Variants in CCSER1 observed in about 807,000 individuals in gnomAD.
The protein encoded by CCSER1 is serine-rich coiled-coil domain-containing protein 1.
Under a neutral mutation model 82.0 loss-of-function variants are expected in CCSER1, and 41 were observed. The ratio of observed to expected loss-of-function variants is 0.50; its 90% CI spans 0.39 to 0.65. The LOEUF (loss-of-function observed/expected upper bound fraction) is 0.65. CCSER1 is among the 30% of genes least tolerant of loss of function. The pLI is 0.00. For synonymous variants in CCSER1, 414 were observed against 383.9 expected, an observed-to-expected ratio of 1.08 and a Z score of -0.92; for missense variants, 1,119 against 1,064.2, an observed-to-expected ratio of 1.05 and a Z score of -0.72.
chr4:90,525,708 C>T (rs1420343639), intron 5 of CCSER1, among the ~76,000 whole-genome samples: 1 of 152,132 alleles, frequency 6.6e-6, no homozygotes, highest in Non-Finnish European at 1.5e-5. Flanking sequence ...GTGGCAGCAT[C>T]ACTGCTCACA....
intron 9 of CCSER1, among the ~76,000 whole-genome samples, chr4:90,988,743 A>T (rs534676133): frequency 6.6e-6 from 1 of 151,926 alleles, no homozygotes; most frequent in Admixed American, 6.6e-5. Context: ...ACATATTTGT[A>T]TTTGTTACTG....
At chr4:91,033,889 C>A (rs947282617) in intron 9 of CCSER1, among the ~76,000 whole-genome samples, 3 of 152,180 alleles carry the variant, frequency 2.0e-5, no homozygotes, top group African/African-American at 7.2e-5. Flanking sequence ...CCAATTCAAG[C>A]TGCACAGAGA....
chr4:90,943,667 ATCC>A (rs1461426442), intron 9 of CCSER1, among the ~76,000 whole-genome samples: 5 of 150,446 alleles, frequency 3.3e-5, no homozygotes, highest in Non-Finnish European at 7.4e-5. Context: ...GGCTCAAGCA[ATCC>A]TCCTGCCTCA....
intron 10 of CCSER1, chr4:91,319,620 TGACATATTAAAA>T (rs1746058967): frequency 2.2e-6 from 1 of 454,542 alleles, no homozygotes; most frequent in African/African-American, 2.0e-5. Context: ...TTGCAGTTTT[TGACATATTAAAA>T]ATATTAACCT....
At chr4:90,819,594 G>A (rs183754024) in intron 8 of CCSER1, among the ~76,000 whole-genome samples, 37 of 152,088 alleles carry the variant, frequency 2.4e-4, no homozygotes, top group African/African-American at 8.4e-4. Context: ...TAATAATTTC[G>A]ATTTAGGATT....
rs574962592 is a variant in CCSER1, at chr4:90,810,621, G to C, written c.2011-5141G>C. Among the ~76,000 whole-genome samples, 5 of 150,392 alleles carry C rather than the reference G, an allele frequency of 3.3e-5. No individual in the cohort carries two copies. In the South Asian group the frequency reaches 1.1e-3, roughly 32 times the overall value. On this transcript the variant is annotated intron_variant, in intron 7 of 10. Coordinates refer to ENST00000509176, the MANE Select transcript of CCSER1 (RefSeq NM_001145065.2). ...GATTGTGCCAAGGCACTCCAGCCTG[G>C]GCAACAAGAGCGAGACTCCCTCTCA...
chr4:90,655,840 C>G (rs1729605826), intron 6 of CCSER1, among the ~76,000 whole-genome samples: 2 of 151,862 alleles, frequency 1.3e-5, no homozygotes, highest in African/African-American at 4.8e-5. Flanking sequence ...TATTATCTGA[C>G]AAACTTAAAC....
chr4:91,143,623 C>T (rs987089995), intron 10 of CCSER1, among the ~76,000 whole-genome samples: 1 of 151,866 alleles, frequency 6.6e-6, no homozygotes, highest in South Asian at 2.1e-4. Flanking sequence ...ATAGATGGCT[C>T]TTATTATTTT....
At chr4:90,376,171 G>A (rs1748276043) in intron 3 of CCSER1, among the ~76,000 whole-genome samples, 1 of 152,092 alleles carries the variant, frequency 6.6e-6, no homozygotes, top group African/African-American at 2.4e-5. Flanking sequence ...TGACTGCAGA[G>A]ATCTCTTCAA....
intron 8 of CCSER1, among the ~76,000 whole-genome samples, chr4:90,886,941 C>T (rs972185498): frequency 2.6e-5 from 4 of 152,150 alleles, no homozygotes; most frequent in African/African-American, 7.2e-5. Context: ...ACAAGTATTA[C>T]ACACATTGAA....
intron 10 of CCSER1, among the ~76,000 whole-genome samples, chr4:91,097,866 A>T (rs893828950): frequency 1.3e-5 from 2 of 152,218 alleles, no homozygotes; most frequent in Non-Finnish European, 2.9e-5. Flanking sequence ...CAAGAAAATA[A>T]TGAGCATATC....
intron 1 of CCSER1, among the ~76,000 whole-genome samples, chr4:90,236,158 A>T (rs564131394): frequency 2.0e-4 from 31 of 152,104 alleles, no homozygotes; most frequent in Non-Finnish European, 4.3e-4. Flanking sequence ...TGAACTCTTG[A>T]GCTCAAGCAG....
At chr4:90,377,936 TTTG>T (rs1419127674) in intron 3 of CCSER1, among the ~76,000 whole-genome samples, 2 of 152,132 alleles carry the variant, frequency 1.3e-5, no homozygotes, top group East Asian at 1.9e-4. Context: ...GTCATTGTCT[TTTG>T]TTGTTACCAT....
At chr4:90,683,375 C>T (rs1169011606) in intron 6 of CCSER1, among the ~76,000 whole-genome samples, 1 of 152,028 alleles carries the variant, frequency 6.6e-6, no homozygotes, top group Non-Finnish European at 1.5e-5. Flanking sequence ...TATTTTGCTA[C>T]TAACAGCAAT....
At chr4:91,409,622 C>T (rs1395271667) in intron 10 of CCSER1, among the ~76,000 whole-genome samples, 1 of 151,832 alleles carries the variant, frequency 6.6e-6, no homozygotes, top group Admixed American at 6.6e-5. Flanking sequence ...TTATAGCTAC[C>T]CAAAGTATAA....
intron 7 of CCSER1, among the ~76,000 whole-genome samples, chr4:90,782,603 A>G (rs1753920366): frequency 6.6e-6 from 1 of 152,184 alleles, no homozygotes; most frequent in South Asian, 2.1e-4. Flanking sequence ...TCGGTGAAAA[A>G]GGGGATTGTT....
chr4:90,275,327 C>T (rs961477785), intron 1 of CCSER1, among the ~76,000 whole-genome samples: 4 of 151,940 alleles, frequency 2.6e-5, no homozygotes, highest in African/African-American at 4.8e-5. Flanking sequence ...TATAATTTCA[C>T]GTATCTTATG....
chr4:91,335,797 T>C (rs534888795), intron 10 of CCSER1, among the ~76,000 whole-genome samples: 2 of 150,362 alleles, frequency 1.3e-5, no homozygotes, highest in African/African-American at 4.9e-5. Flanking sequence ...AGACAAATCA[T>C]GTTGACTAGG....
At chr4:91,363,200 T>A (rs1749367064) in intron 10 of CCSER1, among the ~76,000 whole-genome samples, 1 of 151,824 alleles carries the variant, frequency 6.6e-6, no homozygotes, top group Non-Finnish European at 1.5e-5. Context: ...CTGGACCCCA[T>A]ATTTCTAGCG....
Sources: allele counts gnomAD v4.1 joint callset (sites outside exome capture counted in the v4.1 genomes callset), GRCh38; gene constraint gnomAD v4.1.1; transcripts MANE v1.5; gene names NCBI Gene and HGNC (gene_info 2026-07-23, HGNC 2026-07-21).